Variants in TGFBR3 observed in about 807,000 individuals in gnomAD.
The protein encoded by TGFBR3 is transforming growth factor beta receptor type 3.
In TGFBR3, 46 loss-of-function variants were observed where a neutral mutation model predicts 87.9. The ratio of observed to expected loss-of-function variants is 0.52; its 90% CI spans 0.41 to 0.67. The LOEUF (loss-of-function observed/expected upper bound fraction) is 0.67, where lower values mean the gene tolerates loss of function less well. Ranked by LOEUF, TGFBR3 falls within the 30% of genes least tolerant of loss-of-function variation. TGFBR3 has a pLI of 0.00. For missense variants in TGFBR3, 866 were observed against 1,041.9 expected (o/e 0.83, Z 2.32); for synonymous variants, 381 against 391.6 (o/e 0.97, Z 0.32).
chr1:91,714,288 A>G (rs1353242008), intron 12 of TGFBR3, among the ~76,000 whole-genome samples: 1 of 152,182 alleles, frequency 6.6e-6, no homozygotes, highest in Non-Finnish European at 1.5e-5. Context: ...GTGTCAATAA[A>G]TGCTACCTAT....
chr1:91,837,403 G>A (rs556858229), intron 2 of TGFBR3, among the ~76,000 whole-genome samples: 10 of 151,924 alleles, frequency 6.6e-5, no homozygotes, highest in African/African-American at 1.9e-4. Flanking sequence ...GCACCATCAC[G>A]CCTGGCTAAT....
chr1:91,850,920 C>T (rs935924491), intron 2 of TGFBR3, among the ~76,000 whole-genome samples: 2 of 152,002 alleles, frequency 1.3e-5, no homozygotes, highest in Non-Finnish European at 2.9e-5. Flanking sequence ...AGGTGTTACT[C>T]AGATGGCCCT....
intron 3 of TGFBR3, among the ~76,000 whole-genome samples, chr1:91,782,978 A>C (rs1384330079): frequency 6.6e-6 from 1 of 152,080 alleles, no homozygotes; most frequent in Non-Finnish European, 1.5e-5. Flanking sequence ...CAGCCACATC[A>C]CCGACTTGCT....
rs372480440 is a variant in TGFBR3, at chr1:91,786,144, CTAAAGACA to C, written c.246+11135_246+11142del. ...CATTCTCTCTCAACTCTAATAGGTG[CTAAAGACA>C]TAAAAATGAGTAAGAATCTGGCAGA... On this transcript the variant is annotated intron_variant, in intron 3 of 16. Coordinates refer to ENST00000212355, the MANE Select transcript of TGFBR3 (RefSeq NM_003243.5). 6.0e-4 allele frequency: 274 copies of C among 454,662 alleles called. 1 individual carries two copies. Among genetic ancestry groups the C allele is most frequent in the African/African-American group, 5.2e-3 (260 of 50,094 alleles). The allele number at this position is 454,662 out of a possible 1,614,324, so 28.2% of individuals were successfully genotyped here.
intron 1 of TGFBR3, among the ~76,000 whole-genome samples, chr1:91,904,377 G>A (rs545237016): frequency 6.8e-6 from 1 of 146,754 alleles, no homozygotes; most frequent in Admixed American, 7.0e-5. Context: ...TAATTTCAAA[G>A]CCCATGCTTG....
chr1:91,758,286 A>G (rs1017609695), intron 4 of TGFBR3, among the ~76,000 whole-genome samples: 1 of 152,094 alleles, frequency 6.6e-6, no homozygotes, highest in African/African-American at 2.4e-5. Context: ...GCCAGTTACA[A>G]TATTTACAGG....
At chr1:91,862,845 C>T (rs1486711330) in intron 1 of TGFBR3, among the ~76,000 whole-genome samples, 8 of 152,220 alleles carry the variant, frequency 5.3e-5, no homozygotes, top group African/African-American at 7.2e-5. Context: ...CCATCTCACA[C>T]ACCTGGGGGT....
In TGFBR3 at chr1:91,729,004, G is replaced by A. The variant is rs1005989867; in HGVS notation, c.737+801C>T. ...GCAAGTTCTATCGAATGGCTTTTTGGTATGTCACCATGAAGGGCCACTCCA... is the reference window on the plus strand; with the variant it reads ...GCAAGTTCTATCGAATGGCTTTTTGATATGTCACCATGAAGGGCCACTCCA... On this transcript the variant is annotated intron_variant, in intron 6 of 16. Coordinates refer to ENST00000212355, the MANE Select transcript of TGFBR3 (RefSeq NM_003243.5). Among the ~76,000 whole-genome samples, 8 of 149,526 alleles carry A rather than the reference G, an allele frequency of 5.4e-5. No homozygotes were observed. The South Asian group carries it at 1.5e-3, about 28-fold the overall frequency.
At chr1:91,833,573 G>C (rs1399634994) in intron 2 of TGFBR3, among the ~76,000 whole-genome samples, 2 of 150,752 alleles carry the variant, frequency 1.3e-5, no homozygotes, top group Admixed American at 1.3e-4. Context: ...TTCAAGACCA[G>C]CCTGGCCAAT....
chr1:91,776,676 C>T (rs1020385232), intron 3 of TGFBR3, among the ~76,000 whole-genome samples: 3 of 152,166 alleles, frequency 2.0e-5, no homozygotes, highest in African/African-American at 7.2e-5. Context: ...CTCCTGCCTA[C>T]AGGTCCCTGG....
chr1:91,739,061 GAGGTTGGTAGGACACAGGGCTGAGGCA>G (rs1473435853), intron 4 of TGFBR3, among the ~76,000 whole-genome samples: 1 of 152,176 alleles, frequency 6.6e-6, no homozygotes, highest in Non-Finnish European at 1.5e-5. Context: ...GGGCTGAGAG[GAGGTTGGTAGGACACAGGGCTGAGGCA>G]AGGTTGGTAG....
intron 16 of TGFBR3, among the ~76,000 whole-genome samples, chr1:91,691,625 G>T (rs1671268257): frequency 1.3e-5 from 2 of 152,216 alleles, no homozygotes; most frequent in Admixed American, 1.3e-4. Context: ...AAGAAGAAAG[G>T]CAGGAGATAC....
intron 1 of TGFBR3, among the ~76,000 whole-genome samples, chr1:91,877,937 C>T (rs1346034513): frequency 6.6e-6 from 1 of 152,086 alleles, no homozygotes; most frequent in Non-Finnish European, 1.5e-5. Flanking sequence ...AAAAGATAGA[C>T]CAGCAATAGG....
intron 3 of TGFBR3, among the ~76,000 whole-genome samples, chr1:91,778,199 C>T (rs1318109132): frequency 6.6e-6 from 1 of 151,650 alleles, no homozygotes; most frequent in African/African-American, 2.4e-5. Flanking sequence ...ACATGAGACA[C>T]CCTTAGTTTA....
At chr1:91,689,840 T>TAAAAAAAAAAAAAAAAAAAA (rs545760131) in intron 16 of TGFBR3, among the ~76,000 whole-genome samples, 1 of 99,282 alleles carries the variant, frequency 1.0e-5, no homozygotes, top group African/African-American at 3.7e-5. Context: ...AGAAACTGAT[T>TAAAAAAAAAAAAAAAAAAAA]AAAAAAAAAA....
At chr1:91,762,370 C>G (rs182241223) in intron 3 of TGFBR3, among the ~76,000 whole-genome samples, 223 of 152,288 alleles carry the variant, frequency 1.5e-3, no homozygotes, top group Non-Finnish European at 2.7e-3. Flanking sequence ...TTAAGAACCC[C>G]ATCGTAAAAG....
At chr1:91,893,941 T>A (rs1325775174) in intron 2 of TGFBR3, among the ~76,000 whole-genome samples, 1 of 142,632 alleles carries the variant, frequency 7.0e-6, no homozygotes, top group Non-Finnish European at 1.5e-5. Context: ...AAAAAAAAAC[T>A]TCCTTTGGCC....
chr1:91,823,642 A>G (rs1301167296), intron 2 of TGFBR3, among the ~76,000 whole-genome samples: 1 of 152,266 alleles, frequency 6.6e-6, no homozygotes, highest in Admixed American at 6.5e-5. Flanking sequence ...ATGAACTTCT[A>G]GAACAGGCAA....
At chr1:91,833,734 G>A (rs1202785618) in intron 2 of TGFBR3, among the ~76,000 whole-genome samples, 1 of 151,620 alleles carries the variant, frequency 6.6e-6, no homozygotes, top group Non-Finnish European at 1.5e-5. Context: ...GAGCCAAGAT[G>A]GTGCTACTGC....
Sources: allele counts gnomAD v4.1 joint callset (sites outside exome capture counted in the v4.1 genomes callset), GRCh38; gene constraint gnomAD v4.1.1; transcripts MANE v1.5; gene names NCBI Gene and HGNC (gene_info 2026-07-23, HGNC 2026-07-21).